The following HMBOX1 variants were observed in gnomAD, a reference collection of about 807,000 sequenced individuals.
The protein encoded by HMBOX1 is homeobox containing 1, also known as homeobox-containing protein 1.
HMBOX1 carries 14 observed loss-of-function variants against 54.5 expected under a neutral mutation model. That is an observed-to-expected ratio of 0.26 (90% CI 0.17 to 0.40). HMBOX1 has a LOEUF of 0.40. Ranked by LOEUF, HMBOX1 falls within the 10% of genes least tolerant of loss-of-function variation. The pLI, the probability that HMBOX1 is intolerant of heterozygous loss-of-function variation, is 1.00. For synonymous variants in HMBOX1, 160 were observed against 181.0 expected (o/e 0.88, Z 0.93); for missense variants, 332 against 514.4 (o/e 0.65, Z 3.43).
intron 7 of HMBOX1, among the ~76,000 whole-genome samples, chr8:29,046,706 T>G (rs145873739): frequency 2.0e-3 from 301 of 152,310 alleles, no homozygotes; most frequent in Non-Finnish European, 2.8e-3. Flanking sequence ...CTTGGGTTGT[T>G]GTGGTGGCTC....
intron 1 of HMBOX1, among the ~76,000 whole-genome samples, chr8:28,942,815 GAAT>G (rs1483829011): frequency 6.6e-6 from 1 of 152,128 alleles, no homozygotes; most frequent in Non-Finnish European, 1.5e-5. Flanking sequence ...ATACTGCAAA[GAAT>G]AATACTGAAC....
intron 1 of HMBOX1, among the ~76,000 whole-genome samples, chr8:28,958,987 A>G (rs1378522516): frequency 6.6e-6 from 1 of 152,090 alleles, no homozygotes; most frequent in Non-Finnish European, 1.5e-5. Context: ...CCCCTTATCC[A>G]CCGGGAATAC....
intron 1 of HMBOX1, among the ~76,000 whole-genome samples, chr8:28,936,855 T>C (rs897039569): frequency 6.6e-6 from 1 of 151,334 alleles, no homozygotes; most frequent in East Asian, 1.9e-4. Flanking sequence ...TGCTGAGGGT[T>C]TTGGGGGCAA....
chr8:29,049,366 A>G, intron 9 of HMBOX1: 2 of 1,533,166 alleles, frequency 1.3e-6, no homozygotes, highest in Non-Finnish European at 1.7e-6. Flanking sequence ...GAGAAGGTAG[A>G]AGAAGAGAGG....
chr8:29,003,738 A>G (rs1234743216), intron 4 of HMBOX1, among the ~76,000 whole-genome samples: 4 of 151,662 alleles, frequency 2.6e-5, no homozygotes, highest in Middle Eastern at 3.2e-3. Context: ...TAGACAATGC[A>G]TATATGTGCT....
rs71222583 is a variant in HMBOX1 at position 28,973,803 on chromosome 8, G to GTTTTTTTTTTTTT, written c.500+3303_500+3315dup. Among the ~76,000 whole-genome samples, 300 of 72,632 alleles carry GTTTTTTTTTTTTT rather than the reference G, an allele frequency of 4.1e-3. 31 individuals carry two copies. Among genetic ancestry groups the GTTTTTTTTTTTTT allele is most frequent in the Middle Eastern group, 0.017 (2 of 118 alleles). The allele number at this position is 72,632 out of a possible 152,430, so 47.6% of individuals were successfully genotyped here. A position where few individuals can be genotyped will look rare whatever the true frequency, so the allele number is the denominator to read the frequency against. On this transcript the variant is annotated intron_variant, in intron 3 of 9. Transcript: ENST00000287701. ...TAATAATTTCGAGATACATAATGGAGTTTTTTTTTTTTTTTTTTTTTTTTT... is the reference window on the plus strand; with the variant it reads ...TAATAATTTCGAGATACATAATGGAGTTTTTTTTTTTTTTTTTTTTTTTTTTTTTTTTTTTTTT...
chr8:29,033,063 G>C (rs924962849), intron 6 of HMBOX1, among the ~76,000 whole-genome samples: 1 of 152,080 alleles, frequency 6.6e-6, no homozygotes, highest in African/African-American at 2.4e-5. Flanking sequence ...TGTGGGAGCA[G>C]AGTTGAGTCC....
intron 1 of HMBOX1, among the ~76,000 whole-genome samples, chr8:28,937,349 A>G (rs1243452412): frequency 6.6e-6 from 1 of 152,180 alleles, no homozygotes; most frequent in Non-Finnish European, 1.5e-5. Flanking sequence ...GTACAACATT[A>G]TTATCTCATA....
At chr8:28,963,449 A>G (rs1443915035) in intron 1 of HMBOX1, among the ~76,000 whole-genome samples, 1 of 152,246 alleles carries the variant, frequency 6.6e-6, no homozygotes, top group African/African-American at 2.4e-5. Flanking sequence ...AGTACTGAAT[A>G]TGTATTTCAA....
chr8:28,914,087 C>T (rs1290116738), intron 1 of HMBOX1, among the ~76,000 whole-genome samples: 2 of 152,016 alleles, frequency 1.3e-5, no homozygotes, highest in South Asian at 2.1e-4. Flanking sequence ...AGGCTGGTCT[C>T]GAACTCCTGA....
chr8:28,905,733 T>A (rs1814201334), intron 1 of HMBOX1, among the ~76,000 whole-genome samples: 1 of 152,254 alleles, frequency 6.6e-6, no homozygotes, highest in African/African-American at 2.4e-5. Flanking sequence ...CAACTCTGTT[T>A]TAAGCAGACT....
intron 5 of HMBOX1, among the ~76,000 whole-genome samples, chr8:29,011,653 T>C (rs984557825): frequency 1.3e-5 from 2 of 152,142 alleles, no homozygotes; most frequent in Non-Finnish European, 1.5e-5. Flanking sequence ...TAGCCAGTTG[T>C]GGAATACTAA....
intron 1 of HMBOX1, among the ~76,000 whole-genome samples, chr8:28,935,069 G>A (rs1284594019): frequency 6.6e-6 from 1 of 152,104 alleles, no homozygotes; most frequent in African/African-American, 2.4e-5. Flanking sequence ...AATAGTAAAT[G>A]TATACAAGAC....
intron 6 of HMBOX1, among the ~76,000 whole-genome samples, chr8:29,022,186 G>A (rs1419341087): frequency 6.6e-6 from 1 of 152,116 alleles, no homozygotes; most frequent in African/African-American, 2.4e-5. Flanking sequence ...GAGGGCTGAG[G>A]TGAAAGAACC....
chr8:28,989,102 A>T (rs954269769), intron 4 of HMBOX1, among the ~76,000 whole-genome samples: 1 of 151,928 alleles, frequency 6.6e-6, no homozygotes, highest in East Asian at 1.9e-4. Context: ...GTGAAACCCC[A>T]TCTCTACTAA....
intron 4 of HMBOX1, among the ~76,000 whole-genome samples, chr8:28,995,204 TC>T (rs1831613172): frequency 1.3e-5 from 2 of 152,214 alleles, no homozygotes; most frequent in Non-Finnish European, 2.9e-5. Context: ...TAATATACTT[TC>T]TGTCTCTGCA....
chr8:29,046,855 G>A (rs192658683), intron 7 of HMBOX1, among the ~76,000 whole-genome samples: 52 of 152,302 alleles, frequency 3.4e-4, no homozygotes, highest in Admixed American at 1.5e-3. Flanking sequence ...GGTGGCCTGG[G>A]CCTGTAGTCC....
intron 1 of HMBOX1, among the ~76,000 whole-genome samples, chr8:28,929,057 G>A (rs903208047): frequency 6.6e-6 from 1 of 152,024 alleles, no homozygotes; most frequent in Non-Finnish European, 1.5e-5. Flanking sequence ...GCTTGATTGT[G>A]GTAATCATTT....
At chr8:28,976,717 T>C (rs1204310942) in intron 3 of HMBOX1, among the ~76,000 whole-genome samples, 1 of 150,274 alleles carries the variant, frequency 6.7e-6, no homozygotes, top group Non-Finnish European at 1.5e-5. Flanking sequence ...TTCTTTTTTT[T>C]TTTTTTTGAG....
Sources: allele counts gnomAD v4.1 joint callset (sites outside exome capture counted in the v4.1 genomes callset), GRCh38; gene constraint gnomAD v4.1.1; transcripts MANE v1.5; gene names NCBI Gene and HGNC (gene_info 2026-07-23, HGNC 2026-07-21).